Variants in ADAMTS9 observed in about 807,000 individuals in gnomAD.
ADAMTS9 encodes A disintegrin and metalloproteinase with thrombospondin motifs 9.
Under a neutral mutation model 257.1 loss-of-function variants are expected in ADAMTS9, and 107 were observed. The ratio of observed to expected loss-of-function variants is 0.42; its 90% CI spans 0.36 to 0.49. ADAMTS9 has a LOEUF of 0.49. Among genes scored for constraint, ADAMTS9 ranks in the 20% least tolerant of loss-of-function variants. The pLI is 0.03. For missense variants in ADAMTS9, 2,353 were observed against 2,469.1 expected (o/e 0.95, Z 1.00); for synonymous variants, 982 against 880.9 (o/e 1.11, Z -2.03).
Position 64,604,335 on chromosome 3 carries a change from G to C in ADAMTS9, c.3475-4C>G. The C allele has an allele frequency of 2.5e-6, 4 of 1,574,056 alleles. No individual in the cohort carries two copies. Among genetic ancestry groups the C allele is most frequent in the Non-Finnish European group, 2.6e-6 (3 of 1,160,528 alleles). ...GACATGATGGTAATTCACAGTCCTA[G>C]ACGTGATGGGGGAAAAAAAAACAAA... is the stretch of plus-strand genomic sequence containing the variant. On this transcript the variant is annotated splice_polypyrimidine_tract_variant and splice_region_variant and intron_variant, in intron 23 of 39. Coordinates refer to ENST00000498707, the MANE Select transcript of ADAMTS9 (RefSeq NM_182920.2).
chr3:64,549,393 T>C (rs2083242066), intron 31 of ADAMTS9, among the ~76,000 whole-genome samples: 1 of 152,192 alleles, frequency 6.6e-6, no homozygotes, highest in South Asian at 2.1e-4. Flanking sequence ...ATGTCAATCT[T>C]GGCCAGGTGA....
chr3:64,686,525 C>G lies in ADAMTS9; in HGVS notation c.516+43G>C. ...GACAATTAAGTCTTCTAGAAGCGGG[C>G]GAGGAGGCGGAAGGGGAGAGGAGGT... On this transcript the variant is annotated intron_variant, in intron 2 of 39. Transcript: ENST00000498707. The surrounding 1 kb of genome is among the most constrained non-coding windows in gnomAD (Gnocchi z 4.6). The G allele has an allele frequency of 6.5e-7, 1 of 1,537,890 alleles. No individual in the cohort carries two copies. The highest frequency in any genetic ancestry group is 8.8e-7 in the Non-Finnish European group (1 of 1,140,880).
chr3:64,616,633 T>C (rs1054189348), intron 19 of ADAMTS9, among the ~76,000 whole-genome samples: 3 of 152,192 alleles, frequency 2.0e-5, no homozygotes, highest in African/African-American at 7.2e-5. Context: ...AATGAGATTA[T>C]GGGGGGACAC....
At chr3:64,657,160 C>T (rs1701096004) in intron 4 of ADAMTS9, among the ~76,000 whole-genome samples, 1 of 152,098 alleles carries the variant, frequency 6.6e-6, no homozygotes, top group Non-Finnish European at 1.5e-5. Context: ...AGTGGCCACC[C>T]ATCACAAGTG....
intron 19 of ADAMTS9, among the ~76,000 whole-genome samples, chr3:64,620,181 A>C (rs748388304): frequency 5.9e-5 from 9 of 152,150 alleles, no homozygotes; most frequent in African/African-American, 1.7e-4. Flanking sequence ...CTCGTACCAT[A>C]ACTGCTCCTC....
chr3:64,658,563 T>G lies in ADAMTS9; in HGVS notation c.908A>C (p.Asn303Thr). The G allele has an allele frequency of 6.2e-7, 1 of 1,614,188 alleles. No individual in the cohort carries two copies. Among genetic ancestry groups the G allele is most frequent in the Non-Finnish European group, 8.5e-7 (1 of 1,180,034 alleles). ...TTCTCCATGGTATGAAACCATTCTG[T>G]TGTCTGCCACCACCAAGACTTCTAC... ...RFVEVLVVAD[N>T]RMVSYHGENL... Residue 303 changes from asparagine to threonine, a missense_variant, in exon 4 of 40, where the codon AAC becomes ACC. Around this residue, in one of 3 missense-constraint regions of ADAMTS9, gnomAD observed 591 missense variants for 569.6 expected, o/e 1.04. Coordinates refer to ENST00000498707, the MANE Select transcript of ADAMTS9 (RefSeq NM_182920.2).
At chr3:64,596,711 C>A in intron 27 of ADAMTS9, 119 bp downstream of exon 27, 2 of 1,233,428 alleles carry the variant, frequency 1.6e-6, no homozygotes, top group South Asian at 3.0e-5. Flanking sequence ...CCTAGTTAAT[C>A]CCCACCCCAG....
Position 64,616,159 on chromosome 3 carries a change from G to T in ADAMTS9, c.2825C>A (p.Ala942Asp), listed in dbSNP as rs772487029. 1 of 1,613,992 alleles carries T rather than the reference G, an allele frequency of 6.2e-7. No homozygotes were observed. The highest frequency in any genetic ancestry group is 8.5e-7 in the Non-Finnish European group (1 of 1,179,930). The change falls in exon 20 of 40, where the codon GCC (alanine) becomes GAC (aspartate). Residue 942 changes from alanine to aspartate, a missense_variant. This residue lies in a region of ADAMTS9 where 1,402 missense variants were observed against 1,441.4 expected (regional missense o/e 0.97). Coordinates refer to ENST00000498707, the MANE Select transcript of ADAMTS9 (RefSeq NM_182920.2). ...GTDCDLRWHVASRSECSAQCG... is the reference protein window; with the variant it reads ...GTDCDLRWHVDSRSECSAQCG... ...CTGGGCACTACATTCACTCCTGCTG[G>T]CAACATGCCACCTATGCAAAAATAA...
intron 28 of ADAMTS9, among the ~76,000 whole-genome samples, chr3:64,579,117 C>A (rs2083929180): frequency 1.3e-5 from 2 of 152,154 alleles, no homozygotes; most frequent in South Asian, 4.1e-4. Context: ...CCTCTACTTG[C>A]CCAACAGTCT....
intron 26 of ADAMTS9, among the ~76,000 whole-genome samples, chr3:64,599,588 C>T (rs1411191004): frequency 1.3e-5 from 2 of 152,158 alleles, no homozygotes; most frequent in African/African-American, 4.8e-5. Flanking sequence ...ACACTCTGCC[C>T]TATTGTGGTC....
chr3:64,550,855 G>C (rs1159278231), intron 31 of ADAMTS9, 37 bp downstream of exon 31: 1 of 1,611,370 alleles, frequency 6.2e-7, no homozygotes, highest in Admixed American at 1.7e-5. Flanking sequence ...TCAGGCCATG[G>C]CTGAGCTGAC....
At position 64,627,686 on chromosome 3, in the gene ADAMTS9, G is replaced by A. The variant is rs149477282; in HGVS notation, c.2389+3769C>T. Among the ~76,000 whole-genome samples, 273 of 152,176 alleles carry A rather than the reference G, an allele frequency of 1.8e-3. 1 individual carries two copies. Among genetic ancestry groups the A allele is most frequent in the African/African-American group, 6.3e-3 (262 of 41,524 alleles). ...CAACCTCCCACTAATGCGATTAAGG[G>A]AGCTAATTTCCTGGGTTGGTTTCCC... is the stretch of plus-strand genomic sequence containing the variant. On this transcript the variant is annotated intron_variant, in intron 16 of 39. Transcript: ENST00000498707.
intron 32 of ADAMTS9, among the ~76,000 whole-genome samples, chr3:64,542,444 T>TTTTTTTTTTA (rs2083137944): frequency 1.3e-5 from 2 of 150,448 alleles, no homozygotes; most frequent in East Asian, 2.0e-4. Context: ...TTTTTTTTTT[T>TTTTTTTTTTA]GAGACAGAGT....
chr3:64,655,248 T>G (rs1701035662), intron 6 of ADAMTS9, among the ~76,000 whole-genome samples: 2 of 152,092 alleles, frequency 1.3e-5, no homozygotes, highest in South Asian at 4.1e-4. Context: ...CAGGTCTGCC[T>G]AACACATTTA....
chr3:64,640,520 T>C (rs553888594), intron 12 of ADAMTS9, among the ~76,000 whole-genome samples: 1 of 152,286 alleles, frequency 6.6e-6, no homozygotes, highest in South Asian at 2.1e-4. Flanking sequence ...GAGTTTGCTA[T>C]CCGTGATCTA....
rs562602559 is a variant in ADAMTS9, at chr3:64,549,620, G to A, written c.4869+1272C>T. 1.2e-4 allele frequency among the ~76,000 whole-genome samples: 18 copies of A among 152,090 alleles called. No homozygotes were observed. The South Asian group carries it at 3.6e-3, about 30-fold the overall frequency. On this transcript the variant is annotated intron_variant, in intron 31 of 39. Coordinates refer to ENST00000498707, the MANE Select transcript of ADAMTS9 (RefSeq NM_182920.2). ...ACCGAGAAGATGCAGGGTTGGGGTC[G>A]AGCAGGGTTTCCCAGCCTCAGCACC...
chr3:64,627,309 A>C (rs906469362), intron 16 of ADAMTS9, among the ~76,000 whole-genome samples: 1 of 152,130 alleles, frequency 6.6e-6, no homozygotes, highest in Non-Finnish European at 1.5e-5. Context: ...AGAGAGGAGC[A>C]CAAATGATAT....
In ADAMTS9 at chr3:64,686,757, A is replaced by C. The variant is rs1332002569; in HGVS notation, c.327T>G (p.Phe109Leu). 6.2e-7 allele frequency: 1 copy of C among 1,614,198 alleles called. No individual in the cohort carries two copies. Among genetic ancestry groups the C allele is most frequent in the South Asian group, 1.1e-5 (1 of 91,090 alleles). The change falls in exon 2 of 40, where the codon TTT becomes TTG. Residue 109 changes from phenylalanine (F) to leucine (L), a missense_variant. Physicochemically the swap from Phe to Leu is conservative, Grantham distance 22. Coordinates refer to ENST00000498707, the MANE Select transcript of ADAMTS9 (RefSeq NM_182920.2). This position sits in a 1 kb window ranked among gnomAD's most constrained non-coding sequence, Gnocchi z 4.6. ...HYRLSAFGQQ[F>L]LFNLTANAGF... Reference sequence around the variant, plus strand: ...CGGCATTGGCGGTGAGATTAAATAGAAACTGCTGGCCGAAGGCAGAGAGGC... The same window carrying C: ...CGGCATTGGCGGTGAGATTAAATAGCAACTGCTGGCCGAAGGCAGAGAGGC...
At position 64,546,761 on chromosome 3, in the gene ADAMTS9, C is replaced by A; in HGVS notation, c.5061G>T (p.Gly1687=). 6.3e-7 allele frequency: 1 copy of A among 1,598,116 alleles called. No homozygotes were observed. Among genetic ancestry groups the A allele is most frequent in the South Asian group, 1.1e-5 (1 of 87,710 alleles). Reference sequence around the variant, plus strand: ...GAGTGCTCAGTCTTCTACTTACGCTCCCCCAGTTGCCAACTCTCCAGGTGG... The same window carrying A: ...GAGTGCTCAGTCTTCTACTTACGCTACCCCAGTTGCCAACTCTCCAGGTGG... ...VSATWRVGNW[G]SCSVSCGVGV... The change falls in exon 32 of 40, where the codon GGG becomes GGT. Residue 1687 remains glycine (G), a synonymous_variant. Transcript: ENST00000498707.
Sources: allele counts gnomAD v4.1 joint callset (sites outside exome capture counted in the v4.1 genomes callset), GRCh38; gene constraint gnomAD v4.1.1; regional missense constraint gnomAD v4.1.1; non-coding constraint Gnocchi (gnomAD v3.1); transcripts MANE v1.5; gene names NCBI Gene and HGNC (gene_info 2026-07-23, HGNC 2026-07-21).